The following WIF1 variants were observed in gnomAD, a reference collection of about 807,000 sequenced individuals.
The protein encoded by WIF1 is Wnt inhibitory factor 1.
In WIF1, 35 loss-of-function variants were observed where a neutral mutation model predicts 53.5. The observed-to-expected ratio is 0.65, with a 90% CI of 0.50 to 0.87. The LOEUF (loss-of-function observed/expected upper bound fraction) is 0.87. Ranked by LOEUF, WIF1 falls within the 40% of genes least tolerant of loss-of-function variation. The pLI, the probability that WIF1 is intolerant of heterozygous loss-of-function variation, is 0.00. For missense variants in WIF1, 467 were observed against 476.8 expected (o/e 0.98, Z 0.19); for synonymous variants, 171 against 170.4 (o/e 1.00, Z -0.03).
chr12:65,065,051 A>T (rs7314020), intron 6 of WIF1, among the ~76,000 whole-genome samples: 151,744 of 152,336 alleles, frequency 1, 75,580 homozygotes, highest in Middle Eastern at 1. Context: ...TTTTACTCAC[A>T]GGCTGTTAAT....
intron 3 of WIF1, among the ~76,000 whole-genome samples, chr12:65,073,570 AG>A (rs2136618711): frequency 6.6e-6 from 1 of 152,296 alleles, no homozygotes; most frequent in Non-Finnish European, 1.5e-5. Flanking sequence ...AAAGATCAAG[AG>A]GAGTTTTCTT....
At chr12:65,108,949 A>G (rs982037025) in intron 2 of WIF1, among the ~76,000 whole-genome samples, 1 of 152,146 alleles carries the variant, frequency 6.6e-6, no homozygotes, top group Admixed American at 6.6e-5. Flanking sequence ...CAGATACAAC[A>G]TTATTATCTA....
In WIF1 at chr12:65,096,846, C is replaced by T. The variant is rs1467772218; in HGVS notation, c.289-18992G>A. On this transcript the variant is annotated intron_variant, in intron 2 of 9. Coordinates refer to ENST00000286574, the MANE Select transcript of WIF1 (RefSeq NM_007191.5). ...CACATGGACATAGGGAGGGGAACAA[C>T]ACACACTGGGGCCTGTTAGGAGTGG... Among the ~76,000 whole-genome samples, 11 of 151,960 alleles carry T rather than the reference C, an allele frequency of 7.2e-5. 1 individual carries two copies. Among genetic ancestry groups the T allele is most frequent in the Admixed American group, 5.9e-4 (9 of 15,248 alleles).
intron 7 of WIF1, 84 bp from the exon 8 acceptor site, chr12:65,056,210 T>C: frequency 5.4e-6 from 7 of 1,302,438 alleles, no homozygotes; most frequent in Non-Finnish European, 7.6e-6. Flanking sequence ...ATTACAAGGC[T>C]TTGAGAGGAT....
intron 2 of WIF1, among the ~76,000 whole-genome samples, chr12:65,080,254 G>A (rs1318177679): frequency 6.6e-6 from 1 of 152,136 alleles, no homozygotes; most frequent in Non-Finnish European, 1.5e-5. Context: ...AGACCACTGT[G>A]AACAGTTCCC....
chr12:65,067,731 A>G lies in WIF1; in HGVS notation c.598T>C (p.Cys200Arg), dbSNP rs767629340. The G allele has an allele frequency of 1.9e-6, 3 of 1,613,256 alleles. No individual in the cohort carries two copies. Among genetic ancestry groups the G allele is most frequent in the Non-Finnish European group, 1.7e-6 (2 of 1,179,478 alleles). Reference protein sequence around the residue: ...GFCNERRICECPDGFHGPHCE... With the variant: ...GFCNERRICERPDGFHGPHCE... Reference sequence around the variant, plus strand: ...TGAGGTCCGTGGAACCCATCAGGACACTCGCAGATGCGTCTTTCATTACAA... The same window carrying G: ...TGAGGTCCGTGGAACCCATCAGGACGCTCGCAGATGCGTCTTTCATTACAA... The change falls in exon 5 of 10, where the codon TGT becomes CGT. Residue 200 changes from cysteine (C) to arginine (R), a missense_variant. By Grantham distance (180) the Cys-to-Arg change is radical. Coordinates refer to ENST00000286574, the MANE Select transcript of WIF1 (RefSeq NM_007191.5).
intron 2 of WIF1, among the ~76,000 whole-genome samples, chr12:65,110,059 T>C (rs1883407500): frequency 2.0e-5 from 3 of 152,254 alleles, no homozygotes; most frequent in African/African-American, 7.2e-5. Context: ...TAATGTTAAA[T>C]GACTGAAGTT....
chr12:65,070,159 T>C (rs1280609313), intron 3 of WIF1, among the ~76,000 whole-genome samples: 1 of 152,174 alleles, frequency 6.6e-6, no homozygotes, highest in Non-Finnish European at 1.5e-5. Flanking sequence ...AATTTCTCAA[T>C]GTGCTTTTGG....
intron 2 of WIF1, among the ~76,000 whole-genome samples, chr12:65,112,814 G>A (rs1334300654): frequency 1.3e-5 from 2 of 152,174 alleles, no homozygotes; most frequent in East Asian, 3.9e-4. Flanking sequence ...TCCCTGGGAA[G>A]GCATTTTCCT....
At chr12:65,120,763 GGGATGGACAT>G (rs1389454528) in intron 1 of WIF1, 1 of 799,638 alleles carries the variant, frequency 1.3e-6, no homozygotes, top group African/African-American at 1.7e-5. Flanking sequence ...TCAGGGAAAA[GGGATGGACAT>G]GGAGTTAACC....
intron 2 of WIF1, among the ~76,000 whole-genome samples, chr12:65,106,375 T>A (rs2336386): frequency 0.25 from 37,092 of 149,132 alleles, 6,995 homozygotes; most frequent in African/African-American, 0.54. Flanking sequence ...ATATATATAT[T>A]TTTTTTTATT....
chr12:65,066,497 GA>G, intron 6 of WIF1, 143 bp downstream of exon 6: 1 of 554,484 alleles, frequency 1.8e-6, no homozygotes, highest in Non-Finnish European at 2.9e-6. Flanking sequence ...CTAAAATTGG[GA>G]TTTCAGTTAC....
chr12:65,053,896 C>T (rs1274341373), intron 9 of WIF1, among the ~76,000 whole-genome samples: 1 of 150,964 alleles, frequency 6.6e-6, no homozygotes, highest in African/African-American at 2.4e-5. Flanking sequence ...TATTTAAAAA[C>T]TAGTATATTC....
At chr12:65,065,957 G>A (rs1399588025) in intron 6 of WIF1, among the ~76,000 whole-genome samples, 2 of 152,142 alleles carry the variant, frequency 1.3e-5, no homozygotes, top group Non-Finnish European at 2.9e-5. Flanking sequence ...TGTGATTTGT[G>A]AGCAGAGTAT....
intron 7 of WIF1, among the ~76,000 whole-genome samples, chr12:65,059,655 A>C (rs1283560422): frequency 6.7e-6 from 1 of 150,326 alleles, no homozygotes; most frequent in Non-Finnish European, 1.5e-5. Context: ...ATTGTTTTTT[A>C]CTTTTTTTTT....
chr12:65,101,894 T>TC (rs1883287105), intron 2 of WIF1, among the ~76,000 whole-genome samples: 2 of 152,082 alleles, frequency 1.3e-5, no homozygotes, highest in South Asian at 4.1e-4. Context: ...TGCCAGCATA[T>TC]CCCCCAGCTT....
rs189068613 is a variant in WIF1, at chr12:65,080,417, A to C, written c.289-2563T>G. Among the ~76,000 whole-genome samples the C allele has an allele frequency of 1.6e-4, 25 of 152,328 alleles. No homozygotes were observed. The East Asian group carries it at 4.8e-3, about 29-fold the overall frequency. ...CTGATGAAAGGAGTGTTGTCAGGAA[A>C]GGTAATTCAATTTGGAATGAATTCC... is the stretch of plus-strand genomic sequence containing the variant. On this transcript the variant is annotated intron_variant, in intron 2 of 9. Transcript: ENST00000286574.
intron 6 of WIF1, among the ~76,000 whole-genome samples, chr12:65,065,330 G>C (rs1363250915): frequency 6.6e-6 from 1 of 152,108 alleles, no homozygotes; most frequent in Non-Finnish European, 1.5e-5. Flanking sequence ...ACCAAGGGCT[G>C]AATTAGGTAG....
chr12:65,077,736 G>GACC lies in WIF1; in HGVS notation c.397+7_397+9dup. The stretch of plus-strand genomic sequence containing the variant: ...AAGTGTAAACCTTTCTTCAGGCAAA[G>GACC]ACCACCCACCTGATGCCTTGTGAGG... On this transcript the variant is annotated intron_variant, in intron 3 of 9. Transcript: ENST00000286574. The GACC allele has an allele frequency of 6.3e-7, 1 of 1,598,378 alleles. No homozygotes were observed. Among genetic ancestry groups the GACC allele is most frequent in the Non-Finnish European group, 8.6e-7 (1 of 1,166,776 alleles).
Sources: gnomAD v4.1 joint callset for allele counts (sites outside exome capture counted in the v4.1 genomes callset) on GRCh38, gnomAD v4.1.1 for gene constraint, MANE v1.5 for transcripts, NCBI Gene and HGNC (gene_info 2026-07-23, HGNC 2026-07-21) for gene names.